Variants in IL15RA observed in about 807,000 individuals in gnomAD.
IL15RA encodes interleukin-15 receptor subunit alpha.
In IL15RA, 26 loss-of-function variants were observed where a neutral mutation model predicts 24.2. The observed-to-expected ratio is 1.07, with a 90% confidence interval of 0.79 to 1.49. IL15RA has a LOEUF of 1.49. IL15RA is among the 40% of genes most tolerant of loss of function. The pLI, the probability that IL15RA is intolerant of heterozygous loss-of-function variation, is 0.00. For missense variants in IL15RA, 354 were observed against 356.4 expected (o/e 0.99, Z 0.05); for synonymous variants, 166 against 157.6 (o/e 1.05, Z -0.40).
upstream of IL15RA, chr10:5,977,732 C>G (rs1028556985): frequency 2.1e-5 from 22 of 1,034,588 alleles, no homozygotes; most frequent in African/African-American, 3.3e-4. Context: ...CCACCCCTGT[C>G]CCCGGGACGC....
In IL15RA at chr10:5,958,167, C is replaced by G. The variant is rs1445108187; in HGVS notation, c.616+1587G>C. The stretch of plus-strand genomic sequence containing the variant: ...TGGAATATTCTGTAGCTGTTAAAAA[C>G]GATGAGATGGTTTTTGTGTCCTGAT... On this transcript the variant is annotated intron_variant, in intron 5 of 6. Transcript: ENST00000379977. This position sits in a 1 kb window ranked among gnomAD's most constrained non-coding sequence, Gnocchi z 4.3. 1 of 325,800 alleles carries G rather than the reference C, an allele frequency of 3.1e-6. No individual in the cohort carries two copies. Among genetic ancestry groups the G allele is most frequent in the Non-Finnish European group, 6.3e-6 (1 of 159,682 alleles). The allele number at this position is 325,800 out of a possible 1,614,324, so 20.2% of individuals were successfully genotyped here.
Position 5,953,089 on chromosome 10 carries a change from C to A in IL15RA, c.*6G>T. ...CCGGACTTAGCTGGGCTGGTTTCCC[C>A]GAGTTTCATAGGTGGTGAGAGCAGT... On this transcript the variant is annotated 3_prime_UTR_variant, in exon 7 of 7. Transcript: ENST00000379977. The surrounding 1 kb of genome is among the most constrained non-coding windows in gnomAD (Gnocchi z 5.3). 2 of 1,605,392 alleles carry A rather than the reference C, an allele frequency of 1.2e-6. No individual in the cohort carries two copies. The highest frequency in any genetic ancestry group is 1.7e-6 in the Non-Finnish European group (2 of 1,172,006).
chr10:5,961,974 TCAGCCAAGTGCCCACGGTCGTGC>T lies in IL15RA; in HGVS notation c.383-1430_383-1408del, dbSNP rs1448144479. Among the ~76,000 whole-genome samples, 1 of 152,188 alleles carries T rather than the reference TCAGCCAAGTGCCCACGGTCGTGC, an allele frequency of 6.6e-6. No individual in the cohort carries two copies. The highest frequency in any genetic ancestry group is 1.5e-5 in the Non-Finnish European group (1 of 68,022). On this transcript the variant is annotated intron_variant, in intron 3 of 6. Coordinates refer to ENST00000379977, the MANE Select transcript of IL15RA (RefSeq NM_002189.4). This position sits in a 1 kb window ranked among gnomAD's most constrained non-coding sequence, Gnocchi z 5.2. ...CTGCACAGGACGCACCAAGGCATCC[TCAGCCAAGTGCCCACGGTCGTGC>T]CAGCTCGGGTCAAAGGCTGCTGTCA...
At position 5,963,301 on chromosome 10, in the gene IL15RA, C is replaced by A. The variant is rs1835906264; in HGVS notation, c.382+442G>T. ...AGGCATCTGTTCAGGCCCAACTGTG[C>A]TGCCCCTGCTGGCTAGGGGACGAGG... is the stretch of plus-strand genomic sequence containing the variant. On this transcript the variant is annotated intron_variant, in intron 3 of 6. Transcript: ENST00000379977. The surrounding 1 kb of genome is among the most constrained non-coding windows in gnomAD (Gnocchi z 5.3). Among the ~76,000 whole-genome samples the A allele has an allele frequency of 6.6e-6, 1 of 152,232 alleles. No homozygotes were observed. The highest frequency in any genetic ancestry group is 1.5e-5 in the Non-Finnish European group (1 of 68,042).
intron 1 of IL15RA, 178 bp downstream of exon 1, chr10:5,977,227 C>A (rs8177632): frequency 2.7e-6 from 1 of 364,850 alleles, no homozygotes; most frequent in Non-Finnish European, 4.9e-6. Context: ...GCTCCCGGCA[C>A]GTGTCCCTCC....
In IL15RA at chr10:5,966,744, G is replaced by A. The variant is rs11574673; in HGVS notation, c.89-405C>T. Among the ~76,000 whole-genome samples, 76 of 152,184 alleles carry A rather than the reference G, an allele frequency of 5.0e-4. 1 individual carries two copies. The highest frequency in any genetic ancestry group is 4.5e-3 in the Admixed American group (69 of 15,284). The stretch of plus-strand genomic sequence containing the variant: ...TGCAGGCTCTCCCACAGGTCTCTGC[G>A]GCCAGCATCACCTTTAGAAATGCAT... On this transcript the variant is annotated intron_variant, in intron 1 of 6. Transcript: ENST00000379977. The surrounding 1 kb of genome is among the most constrained non-coding windows in gnomAD (Gnocchi z 6.4).
chr10:5,961,819 G>T lies in IL15RA; in HGVS notation c.383-1252C>A, dbSNP rs953735376. Reference sequence around the variant, plus strand: ...GGCCAAGCGCTGTGGCTCTCTGGACGCACTGTTGTTGCCGCGTTCCCATGG... The same window carrying T: ...GGCCAAGCGCTGTGGCTCTCTGGACTCACTGTTGTTGCCGCGTTCCCATGG... On this transcript the variant is annotated intron_variant, in intron 3 of 6. Coordinates refer to ENST00000379977, the MANE Select transcript of IL15RA (RefSeq NM_002189.4). The surrounding 1 kb of genome is among the most constrained non-coding windows in gnomAD (Gnocchi z 5.2). 6.6e-6 allele frequency among the ~76,000 whole-genome samples: 1 copy of T among 152,336 alleles called. No homozygotes were observed. The highest frequency in any genetic ancestry group is 1.9e-4 in the East Asian group (1 of 5,188).
rs1377425712 is a variant in IL15RA, at chr10:5,956,399, C to T, written c.672G>A (p.Leu224=). Residue 224 remains leucine (L), a synonymous_variant, in exon 6 of 7, where the codon CTG becomes CTA. Transcript: ENST00000379977. The stretch of plus-strand genomic sequence containing the variant: ...CTCACCTTGACTTGAGGTAGCATGC[C>T]AGGAGAGACACAGCGCTCAGCCCAC... ...LLCGLSAVSL[L]ACYLKSRQTP... The T allele has an allele frequency of 1.9e-6, 3 of 1,613,900 alleles. No individual in the cohort carries two copies. Among genetic ancestry groups the T allele is most frequent in the Non-Finnish European group, 1.7e-6 (2 of 1,179,832 alleles).
Position 5,952,702 on chromosome 10 carries a change from T to C in IL15RA, c.*393A>G, listed in dbSNP as rs1833983722. 2 of 223,832 alleles carry C rather than the reference T, an allele frequency of 8.9e-6. No homozygotes were observed. Among genetic ancestry groups the C allele is most frequent in the Non-Finnish European group, 1.8e-5 (2 of 112,432 alleles). 13.9% of individuals were successfully genotyped at this position (223,832 alleles called of 1,614,324 possible). A position where few individuals can be genotyped will look rare whatever the true frequency, so the allele number is the denominator to read the frequency against. On this transcript the variant is annotated 3_prime_UTR_variant, in exon 7 of 7. Coordinates refer to ENST00000379977, the MANE Select transcript of IL15RA (RefSeq NM_002189.4). ...GAAGCCTTGTAATTGACAGAGAGCT[T>C]TGGGTATGTCACTTTTCTCTGTGAA...
chr10:5,969,381 A>C (rs8177671), intron 1 of IL15RA, among the ~76,000 whole-genome samples: 14 of 76,534 alleles, frequency 1.8e-4, no homozygotes, highest in Admixed American at 6.8e-4. Context: ...AAATTAAATT[A>C]AATTTTTCCA....
At chr10:5,951,244 T>A (rs529862347), downstream of IL15RA, among the ~76,000 whole-genome samples, 47 of 150,562 alleles carry the variant, frequency 3.1e-4, no homozygotes, top group Non-Finnish European at 6.2e-4. Context: ...GGCATGAGAA[T>A]TGCTTGAGGC....
rs1836275482 is a variant in IL15RA at position 5,965,055 on chromosome 10, G to A, written c.283+1090C>T. The stretch of plus-strand genomic sequence containing the variant: ...CCCTCTGTCCCCTGCTGCAGAGGGC[G>A]TGAGCTATGGGGCCGCTCCATGCAG... On this transcript the variant is annotated intron_variant, in intron 2 of 6. Coordinates refer to ENST00000379977, the MANE Select transcript of IL15RA (RefSeq NM_002189.4). This position sits in a 1 kb window ranked among gnomAD's most constrained non-coding sequence, Gnocchi z 5.8. Among the ~76,000 whole-genome samples the A allele has an allele frequency of 6.6e-6, 1 of 152,198 alleles. No individual in the cohort carries two copies. The highest frequency in any genetic ancestry group is 2.4e-5 in the African/African-American group (1 of 41,442).
At chr10:5,976,832 T>A (rs1436042905) in intron 1 of IL15RA, 1 of 152,088 alleles carries the variant, frequency 6.6e-6, no homozygotes, top group Non-Finnish European at 1.5e-5. Context: ...GCTGGTTTCC[T>A]GATCGCTTAA....
rs144173272 is a variant in IL15RA, at chr10:5,966,292, C to T, written c.136G>A (p.Val46Ile). The stretch of plus-strand genomic sequence containing the variant: ...CTGGAGTACAAGCTGTAGCTCTTGA[C>T]CCAGATGTCTGCGTGTTCCACGGAC... Reference protein sequence around the residue: ...PMSVEHADIWVKSYSLYSRER... With the variant: ...PMSVEHADIWIKSYSLYSRER... The change falls in exon 2 of 7, where the codon GTC becomes ATC. Residue 46 changes from valine to isoleucine, a missense_variant. Coordinates refer to ENST00000379977, the MANE Select transcript of IL15RA (RefSeq NM_002189.4). The surrounding 1 kb of genome is among the most constrained non-coding windows in gnomAD (Gnocchi z 6.4). The T allele has an allele frequency of 6.7e-4, 1,087 of 1,613,610 alleles. 3 individuals are homozygous for T. The highest frequency in any genetic ancestry group is 2.1e-4 in the Non-Finnish European group (248 of 1,179,554).
chr10:5,964,756 T>C lies in IL15RA; in HGVS notation c.284-915A>G, dbSNP rs1836215695. Reference sequence around the variant, plus strand: ...CCCTGCAGTGAGAAAGCCCTCATTTTACCTCGGGCAGACAGGTTCCAGGGA... The same window carrying C: ...CCCTGCAGTGAGAAAGCCCTCATTTCACCTCGGGCAGACAGGTTCCAGGGA... On this transcript the variant is annotated intron_variant, in intron 2 of 6. Transcript: ENST00000379977. The surrounding 1 kb of genome is among the most constrained non-coding windows in gnomAD (Gnocchi z 5.6). Among the ~76,000 whole-genome samples, 2 of 152,248 alleles carry C rather than the reference T, an allele frequency of 1.3e-5. No individual in the cohort carries two copies. Among genetic ancestry groups the C allele is most frequent in the South Asian group, 4.1e-4 (2 of 4,838 alleles).
At chr10:5,972,207 C>T (rs1589251405) in intron 1 of IL15RA, among the ~76,000 whole-genome samples, 1 of 152,300 alleles carries the variant, frequency 6.6e-6, no homozygotes, top group East Asian at 1.9e-4. Context: ...CACAGAAACC[C>T]TCAGGGACTC....
At chr10:5,954,525 C>G (rs965096281) in intron 6 of IL15RA, among the ~76,000 whole-genome samples, 1 of 151,822 alleles carries the variant, frequency 6.6e-6, no homozygotes, top group Non-Finnish European at 1.5e-5. Flanking sequence ...AACTGCTAGG[C>G]TCAAGTAATC....
At position 5,963,813 on chromosome 10, in the gene IL15RA, T is replaced by C; in HGVS notation, c.312A>G (p.Pro104=). 1 of 1,548,834 alleles carries C rather than the reference T, an allele frequency of 6.5e-7. No individual in the cohort carries two copies. The highest frequency in any genetic ancestry group is 8.6e-7 in the Non-Finnish European group (1 of 1,157,060). Residue 104 remains proline, a synonymous_variant, in exon 3 of 7, where the codon CCA becomes CCG. Transcript: ENST00000379977. The surrounding 1 kb of genome is among the most constrained non-coding windows in gnomAD (Gnocchi z 5.3). The part of the protein sequence containing the change: ...IRDPALVHQR[P]APPSTVTTAG... ...CCGTCGTTACTGTGGAGGGTGGCGC[T>C]GGCCTTTGGTGAACCAGGGCAGGGT... is the stretch of plus-strand genomic sequence containing the variant.
rs575054995 is a variant in IL15RA at position 5,958,339 on chromosome 10, T to C, written c.616+1415A>G. The C allele has an allele frequency of 5.4e-5, 24 of 447,374 alleles. No homozygotes were observed. Among genetic ancestry groups the C allele is most frequent in the African/African-American group, 3.4e-4 (17 of 49,638 alleles). 27.7% of individuals were successfully genotyped at this position (447,374 alleles called of 1,614,324 possible). A position where few individuals can be genotyped will look rare whatever the true frequency, so the allele number is the denominator to read the frequency against. On this transcript the variant is annotated intron_variant, in intron 5 of 6. Transcript: ENST00000379977. This position sits in a 1 kb window ranked among gnomAD's most constrained non-coding sequence, Gnocchi z 4.3. ...GGATGCCTGGAAATCTGGTAGCAAG[T>C]GTTGCTTCCTTCCTGCAAGGGGATT... is the stretch of plus-strand genomic sequence containing the variant.
Sources: gnomAD v4.1 joint callset for allele counts (sites outside exome capture counted in the v4.1 genomes callset) on GRCh38, gnomAD v4.1.1 for gene constraint, Gnocchi (gnomAD v3.1) non-coding constraint, MANE v1.5 for transcripts, NCBI Gene and HGNC (gene_info 2026-07-23, HGNC 2026-07-21) for gene names.